Variants in CDK10 observed in about 807,000 individuals in gnomAD.
The protein encoded by CDK10 is cyclin-dependent kinase 10.
A neutral mutation model predicts 51.0 loss-of-function variants in CDK10; 55 were observed. The ratio of observed to expected loss-of-function variants is 1.08; its 90% confidence interval spans 0.87 to 1.35. The LOEUF is 1.35. Ranked by LOEUF, CDK10 falls within the 40% of genes most tolerant of loss-of-function variation. CDK10 has a pLI of 0.00. For synonymous variants in CDK10, 255 were observed against 199.1 expected (o/e 1.28, Z -2.36); for missense variants, 589 against 485.1 (o/e 1.21, Z -2.01).
chr16:89,691,748 C>T (rs970846428), intron 4 of CDK10, 58 bp from the exon 5 acceptor site: 9 of 1,515,152 alleles, frequency 5.9e-6, no homozygotes, highest in Non-Finnish European at 6.4e-6. Flanking sequence ...AGGGGAGGCT[C>T]CACTTCCACC....
In CDK10 at chr16:89,695,855, A is replaced by C; in HGVS notation, c.*163A>C. On this transcript the variant is annotated 3_prime_UTR_variant, in exon 13 of 13. Coordinates refer to ENST00000353379, the MANE Select transcript of CDK10 (RefSeq NM_052988.5). ...TCCTCCCACTGTCTGCCCTGAACCC[A>C]CTGCTGCCCCCAGAAAAAGGCCGGG... The C allele has an allele frequency of 1.4e-6, 2 of 1,480,678 alleles. No individual in the cohort carries two copies. Among genetic ancestry groups the C allele is most frequent in the Non-Finnish European group, 1.8e-6 (2 of 1,095,896 alleles). 91.7% of individuals were successfully genotyped at this position (1,480,678 alleles called of 1,614,324 possible). A position where few individuals can be genotyped will look rare whatever the true frequency, so the allele number is the denominator to read the frequency against.
At chr16:89,695,369 C>A (rs372205635) in intron 12 of CDK10, 24 bp downstream of exon 12, 2 of 1,606,036 alleles carry the variant, frequency 1.2e-6, no homozygotes, top group Admixed American at 1.7e-5. Context: ...GTTCCTGACT[C>A]GCTCTGTGGG....
chr16:89,687,826 G>GA (rs1371331542), intron 1 of CDK10: 1 of 347,352 alleles, frequency 2.9e-6, no homozygotes, highest in East Asian at 7.7e-5. Flanking sequence ...GTGAGAAGGG[G>GA]AATTAAGGCG....
At position 89,696,275 on chromosome 16, in the gene CDK10, T is replaced by A. The variant is rs74033834; in HGVS notation, c.*583T>A. 1 of 224,212 alleles carries A rather than the reference T, an allele frequency of 4.5e-6. No homozygotes were observed. Among genetic ancestry groups the A allele is most frequent in the African/African-American group, 2.3e-5 (1 of 43,706 alleles). 13.9% of individuals were successfully genotyped at this position (224,212 alleles called of 1,614,324 possible). On this transcript the variant is annotated 3_prime_UTR_variant, in exon 13 of 13. Coordinates refer to ENST00000353379, the MANE Select transcript of CDK10 (RefSeq NM_052988.5). ...CTGAGCTGCATCCCTGCTCCCCACA[T>A]GGAGGACCCAACAGGAGGCCGTGGC...
chr16:89,691,726 C>G, intron 4 of CDK10, 80 bp from the exon 5 acceptor site: 1 of 1,419,498 alleles, frequency 7.0e-7, no homozygotes, highest in Non-Finnish European at 1.0e-6. Context: ...TGCCCATGTC[C>G]CCTCCTGCAG....
At chr16:89,687,014 T>TC (rs2060221658) in intron 1 of CDK10, 1 of 474,792 alleles carries the variant, frequency 2.1e-6, no homozygotes, top group Admixed American at 4.3e-5. Context: ...CGGGGCGGGC[T>TC]CAGGGATGCC....
rs1380047139 is a variant in CDK10, at chr16:89,695,759, G to A, written c.*67G>A. On this transcript the variant is annotated 3_prime_UTR_variant, in exon 13 of 13. Coordinates refer to ENST00000353379, the MANE Select transcript of CDK10 (RefSeq NM_052988.5). ...CCGATCAGTGGTGTCTGTGAAGGGT[G>A]CCGCGAGCCAGGCTGACCAGGCGCC... 1.9e-6 allele frequency: 3 copies of A among 1,587,740 alleles called. No homozygotes were observed. Among genetic ancestry groups the A allele is most frequent in the Non-Finnish European group, 1.7e-6 (2 of 1,170,076 alleles).
At chr16:89,687,259 T>A (rs1260876626) in intron 1 of CDK10, 1 of 331,150 alleles carries the variant, frequency 3.0e-6, no homozygotes, top group Non-Finnish European at 6.1e-6. Flanking sequence ...CCTGGGCGCG[T>A]CCCTTGCGGA....
At chr16:89,686,937 G>A in intron 1 of CDK10, 140 bp downstream of exon 1, 2 of 685,246 alleles carry the variant, frequency 2.9e-6, no homozygotes, top group East Asian at 3.3e-5. Context: ...TCCCCGCGGC[G>A]GGGGCGGAAG....
Position 89,690,566 on chromosome 16 carries a change from C to A in CDK10, c.174C>A (p.Asp58Glu). ...TTTCCATTCCAGATCGGGCCCGGGACACCCAGACAGATGAGATTGTCGCAC... is the reference window on the plus strand; with the variant it reads ...TTTCCATTCCAGATCGGGCCCGGGAAACCCAGACAGATGAGATTGTCGCAC... ...GTYGIVYRARDTQTDEIVALK... is the reference protein window; with the variant it reads ...GTYGIVYRARETQTDEIVALK... Residue 58 changes from aspartate (D) to glutamate (E), a missense_variant, in exon 3 of 13, where the codon GAC becomes GAA. Physicochemically the swap from Asp to Glu is conservative, Grantham distance 45. Transcript: ENST00000353379. The A allele has an allele frequency of 6.2e-7, 1 of 1,614,084 alleles. No homozygotes were observed. The highest frequency in any genetic ancestry group is 1.1e-5 in the South Asian group (1 of 91,088).
At chr16:89,687,119 G>A (rs2060228322) in intron 1 of CDK10, 1 of 239,060 alleles carries the variant, frequency 4.2e-6, no homozygotes, top group South Asian at 1.1e-4. Context: ...GCTGGGCTTT[G>A]CAGGCTGAGC....
At chr16:89,689,406 T>C in intron 2 of CDK10, 82 bp downstream of exon 2, 2 of 1,261,830 alleles carry the variant, frequency 1.6e-6, no homozygotes, top group Non-Finnish European at 2.3e-6. Flanking sequence ...AGCAGCCGCG[T>C]TGGGGCTGGA....
At chr16:89,692,391 G>T (rs1363140674) in intron 5 of CDK10, 58 bp from the exon 6 acceptor site, 4 of 1,352,388 alleles carry the variant, frequency 3.0e-6, no homozygotes, top group Non-Finnish European at 3.0e-6. Context: ...GTGTGGCAGG[G>T]CCCAGCTGGG....
intron 1 of CDK10, among the ~76,000 whole-genome samples, chr16:89,688,766 C>G (rs1350513643): frequency 3.9e-5 from 6 of 152,152 alleles, no homozygotes. Flanking sequence ...ATATTTCTTT[C>G]AAAGCATTGG....
intron 8 of CDK10, chr16:89,693,745 A>AG: frequency 1.8e-6 from 1 of 565,686 alleles, no homozygotes; most frequent in Non-Finnish European, 3.2e-6. Flanking sequence ...CCATCTCTGG[A>AG]GGGAAGGCTG....
intron 1 of CDK10, 200 bp downstream of exon 1, chr16:89,686,997 G>A: frequency 2.0e-6 from 1 of 506,716 alleles, no homozygotes; most frequent in Non-Finnish European, 3.4e-6. Flanking sequence ...CTGGAGATCT[G>A]AGGGGCCGGG....
At chr16:89,694,112 G>A in intron 8 of CDK10, 61 bp from the exon 9 acceptor site, 1 of 1,547,998 alleles carries the variant, frequency 6.5e-7, no homozygotes, top group Non-Finnish European at 8.9e-7. Flanking sequence ...GCTGTGTCCT[G>A]TGGAGGCCTG....
At chr16:89,689,516 C>A (rs755550304) in intron 2 of CDK10, 192 bp downstream of exon 2, 2 of 590,276 alleles carry the variant, frequency 3.4e-6, no homozygotes, top group African/African-American at 1.9e-5. Flanking sequence ...TCTGGGTAAA[C>A]GTAAGCATCC....
At chr16:89,687,577 T>C (rs1360790046) in intron 1 of CDK10, 2 of 450,808 alleles carry the variant, frequency 4.4e-6, no homozygotes, top group Non-Finnish European at 9.0e-6. Context: ...TTTTGTTGTT[T>C]TTTTGAGACA....
Sources: allele counts gnomAD v4.1 joint callset (sites outside exome capture counted in the v4.1 genomes callset), GRCh38; gene constraint gnomAD v4.1.1; transcripts MANE v1.5; gene names NCBI Gene and HGNC (gene_info 2026-07-23, HGNC 2026-07-21).